The following BRD10 variants were observed in gnomAD, a reference collection of about 807,000 sequenced individuals.
The protein encoded by BRD10 is bromodomain containing 10.
At chr9:5,937,672 T>C in the BRD10 span, among the ~76,000 whole-genome samples, 1 of 152,258 alleles carries the variant, frequency 6.6e-6, no homozygotes, top group Non-Finnish European at 1.5e-5. Flanking sequence ...CCCTGCCTGA[T>C]GTAAAACCAA....
the BRD10 span, among the ~76,000 whole-genome samples, chr9:5,928,286 T>C: frequency 1.3e-5 from 2 of 152,172 alleles, no homozygotes; most frequent in African/African-American, 4.8e-5. Flanking sequence ...CTACCATTTT[T>C]CTCCTGGATT....
the BRD10 span, among the ~76,000 whole-genome samples, chr9:5,961,823 A>C: frequency 5.3e-5 from 8 of 152,342 alleles, no homozygotes; most frequent in East Asian, 1.5e-3. Context: ...AAACTGCCTC[A>C]AACTGTGCTA....
At chr9:5,895,431 G>T in the BRD10 span, among the ~76,000 whole-genome samples, 1 of 151,654 alleles carries the variant, frequency 6.6e-6, no homozygotes, top group Non-Finnish European at 1.5e-5. Context: ...CCTGCACAAT[G>T]GGGCAATCTT....
the BRD10 span, chr9:5,919,543 A>AACAC: frequency 0.1 from 40,045 of 392,926 alleles, 769 homozygotes; most frequent in Middle Eastern, 0.14. Context: ...GATACATTAA[A>AACAC]ACACACACAC....
chr9:5,974,681 C>G, the BRD10 span, among the ~76,000 whole-genome samples: 7 of 152,262 alleles, frequency 4.6e-5, no homozygotes, highest in Non-Finnish European at 1.0e-4. Flanking sequence ...GAGTAGAGAG[C>G]TGCATAAAGA....
At chr9:5,920,873 A>G in the BRD10 span, 1 of 1,614,010 alleles carries the variant, frequency 6.2e-7, no homozygotes, top group Non-Finnish European at 8.5e-7. Flanking sequence ...TGATATAGCC[A>G]CAGTGTTTCC....
the BRD10 span, among the ~76,000 whole-genome samples, chr9:5,965,608 A>G: frequency 6.6e-6 from 1 of 152,224 alleles, no homozygotes; most frequent in South Asian, 2.1e-4. Context: ...CCCACTGGGG[A>G]TGACTTAAAC....
At chr9:5,936,459 T>C in the BRD10 span, among the ~76,000 whole-genome samples, 17 of 152,212 alleles carry the variant, frequency 1.1e-4, no homozygotes, top group African/African-American at 3.9e-4. Context: ...TTATTAGAAT[T>C]ACATCTTAAA....
the BRD10 span, among the ~76,000 whole-genome samples, chr9:5,971,905 G>T: frequency 6.6e-6 from 1 of 151,420 alleles, no homozygotes; most frequent in African/African-American, 2.4e-5. Context: ...CTTCACAATA[G>T]GAGTGGTGAG....
chr9:5,894,153 G>A, the BRD10 span, among the ~76,000 whole-genome samples: 1 of 152,108 alleles, frequency 6.6e-6, no homozygotes, highest in South Asian at 2.1e-4. The surrounding 1 kb of genome is among the most constrained non-coding windows in gnomAD (Gnocchi z 4.0). Context: ...GTGTGAAGCT[G>A]GAGGCTGATG....
chr9:5,918,873 T>G, the BRD10 span: 2 of 152,082 alleles, frequency 1.3e-5, no homozygotes, highest in African/African-American at 4.8e-5. Context: ...AAAGTAGTAT[T>G]TGTAAGCTGG....
the BRD10 span, among the ~76,000 whole-genome samples, chr9:5,887,807 T>G: frequency 1.3e-5 from 2 of 152,244 alleles, no homozygotes; most frequent in African/African-American, 4.8e-5. Flanking sequence ...TCCAACTGGT[T>G]GTTCTTTCTG....
the BRD10 span, among the ~76,000 whole-genome samples, chr9:5,953,562 A>G: frequency 6.6e-6 from 1 of 152,090 alleles, no homozygotes. Flanking sequence ...AAGTTAATAA[A>G]TCTACCATTT....
the BRD10 span, chr9:5,924,642 A>T: frequency 1.0e-5 from 15 of 1,456,908 alleles, no homozygotes; most frequent in African/African-American, 2.0e-4. Context: ...ACTTAAAAAA[A>T]AAGTTTAATG....
chr9:5,902,568 A>G, the BRD10 span, among the ~76,000 whole-genome samples: 1 of 151,322 alleles, frequency 6.6e-6, no homozygotes, highest in Non-Finnish European at 1.5e-5. Flanking sequence ...GGGCTCAAGC[A>G]CTCCAATCCT....
chr9:5,942,117 ATACT>A, the BRD10 span, among the ~76,000 whole-genome samples: 1 of 152,150 alleles, frequency 6.6e-6, no homozygotes, highest in African/African-American at 2.4e-5. Flanking sequence ...TTGACTCCAG[ATACT>A]TAGTTTTGAC....
the BRD10 span, among the ~76,000 whole-genome samples, chr9:5,957,946 C>T: frequency 1.3e-5 from 2 of 152,046 alleles, no homozygotes; most frequent in African/African-American, 4.8e-5. Context: ...GATCATATCC[C>T]AGGCCTTTTA....
At chr9:5,950,311 G>A in the BRD10 span, among the ~76,000 whole-genome samples, 1 of 152,260 alleles carries the variant, frequency 6.6e-6, no homozygotes. Context: ...AGAAGCGACT[G>A]ACCTGCTTAT....
the BRD10 span, among the ~76,000 whole-genome samples, chr9:5,878,967 T>A: frequency 2.0e-5 from 3 of 152,190 alleles, no homozygotes; most frequent in African/African-American, 7.2e-5. Flanking sequence ...GAGAGATGGT[T>A]GATGCCAGAG....
Sources: allele counts gnomAD v4.1 joint callset (sites outside exome capture counted in the v4.1 genomes callset), GRCh38; gene constraint gnomAD v4.1.1; non-coding constraint Gnocchi (gnomAD v3.1); transcripts MANE v1.5; gene names NCBI Gene and HGNC (gene_info 2026-07-23, HGNC 2026-07-21).